The following TRABD2B variants were observed in gnomAD, a reference collection of about 807,000 sequenced individuals.
TRABD2B encodes metalloprotease TIKI2.
TRABD2B carries 14 observed loss-of-function variants against 40.1 expected under a neutral mutation model. That is an observed-to-expected ratio of 0.35 (90% CI 0.23 to 0.55). The LOEUF is 0.55. Among genes scored for constraint, TRABD2B ranks in the 20% least tolerant of loss-of-function variants. TRABD2B has a pLI of 0.90. For synonymous variants in TRABD2B, 263 were observed against 277.0 expected, an observed-to-expected ratio of 0.95 and a Z score of 0.50; for missense variants, 541 against 648.6, an observed-to-expected ratio of 0.83 and a Z score of 1.80.
chr1:47,798,522 G>A (rs1437107890), intron 3 of TRABD2B, among the ~76,000 whole-genome samples: 2 of 152,200 alleles, frequency 1.3e-5, no homozygotes, highest in Non-Finnish European at 2.9e-5. Context: ...AGTGGAGCCA[G>A]GATGCAGGCC....
intron 2 of TRABD2B, among the ~76,000 whole-genome samples, chr1:47,856,181 T>C (rs1393092293): frequency 2.6e-5 from 4 of 152,224 alleles, no homozygotes; most frequent in African/African-American, 4.8e-5. Flanking sequence ...CTGCCCACCA[T>C]GTAAGCGGGG....
At chr1:47,910,755 G>T (rs898488274) in intron 2 of TRABD2B, among the ~76,000 whole-genome samples, 1 of 152,172 alleles carries the variant, frequency 6.6e-6, no homozygotes, top group Non-Finnish European at 1.5e-5. Context: ...ATCCTCATAT[G>T]GCATAGATTG....
At chr1:47,814,110 G>A (rs1323554024) in intron 2 of TRABD2B, among the ~76,000 whole-genome samples, 1 of 152,250 alleles carries the variant, frequency 6.6e-6, no homozygotes, top group Admixed American at 6.5e-5. Context: ...CACACAGAAG[G>A]GAAAGAAAAG....
chr1:47,793,724 C>A (rs1644706830), intron 4 of TRABD2B, among the ~76,000 whole-genome samples: 1 of 152,168 alleles, frequency 6.6e-6, no homozygotes, highest in African/African-American at 2.4e-5. Context: ...TAACAAGAGG[C>A]AAACACAATA....
chr1:47,833,119 G>A (rs1645272265), intron 2 of TRABD2B, among the ~76,000 whole-genome samples: 1 of 152,210 alleles, frequency 6.6e-6, no homozygotes. Flanking sequence ...TTTAAACACA[G>A]ATGCTTGGAC....
At chr1:47,958,852 C>A (rs1241478910) in intron 2 of TRABD2B, among the ~76,000 whole-genome samples, 1 of 152,150 alleles carries the variant, frequency 6.6e-6, no homozygotes, top group African/African-American at 2.4e-5. Flanking sequence ...CAGCTCTGCA[C>A]CAACCGGACC....
At chr1:47,921,825 A>G (rs953631060) in intron 2 of TRABD2B, among the ~76,000 whole-genome samples, 4 of 152,208 alleles carry the variant, frequency 2.6e-5, no homozygotes, top group African/African-American at 7.2e-5. Context: ...ATCCAAATAC[A>G]TAGTAGTCAC....
At chr1:47,884,892 A>T (rs934648457) in intron 2 of TRABD2B, among the ~76,000 whole-genome samples, 3 of 152,132 alleles carry the variant, frequency 2.0e-5, no homozygotes, top group Admixed American at 6.5e-5. Flanking sequence ...CTGGGATTAC[A>T]AGTGTGAGCC....
chr1:47,975,028 C>G (rs1645735925), intron 2 of TRABD2B, among the ~76,000 whole-genome samples: 1 of 152,170 alleles, frequency 6.6e-6, no homozygotes, highest in African/African-American at 2.4e-5. Flanking sequence ...GTCTGAGAAA[C>G]TGCCACAGCC....
chr1:47,779,980 C>T (rs973480407), intron 4 of TRABD2B, among the ~76,000 whole-genome samples: 2 of 152,146 alleles, frequency 1.3e-5, no homozygotes, highest in Admixed American at 1.3e-4. Context: ...GAGAATGAAC[C>T]GTGCTGCTGT....
chr1:47,943,657 C>T (rs1645218055), intron 2 of TRABD2B, among the ~76,000 whole-genome samples: 1 of 152,076 alleles, frequency 6.6e-6, no homozygotes, highest in African/African-American at 2.4e-5. Flanking sequence ...AAGAGGAATG[C>T]ACATTTGCAA....
intron 2 of TRABD2B, among the ~76,000 whole-genome samples, chr1:47,827,049 G>A (rs982258669): frequency 3.9e-5 from 6 of 152,200 alleles, no homozygotes; most frequent in Non-Finnish European, 7.3e-5. Flanking sequence ...CTCCATGGAG[G>A]ACTGAGTATG....
intron 2 of TRABD2B, among the ~76,000 whole-genome samples, chr1:47,971,258 G>C (rs1557687697): frequency 6.6e-6 from 1 of 152,162 alleles, no homozygotes. Flanking sequence ...GCCAGACCCT[G>C]AGCCAGTTTT....
At position 47,765,970 on chromosome 1, in the gene TRABD2B, C is replaced by T. The variant is rs1262669737; in HGVS notation, c.1486G>A (p.Gly496Ser). 2.8e-6 allele frequency: 2 copies of T among 702,476 alleles called. No homozygotes were observed. Among genetic ancestry groups the T allele is most frequent in the African/African-American group, 1.7e-5 (1 of 57,234 alleles). 43.5% of individuals were successfully genotyped at this position (702,476 alleles called of 1,614,324 possible). A position where few individuals can be genotyped will look rare whatever the true frequency, so the allele number is the denominator to read the frequency against. The change falls in exon 7 of 7, where the codon GGC (glycine) becomes AGC (serine). Residue 496 changes from glycine to serine, a missense_variant. Gly to Ser is a moderately conservative substitution (Grantham distance 56). Around this residue, in one of 2 missense-constraint regions of TRABD2B, gnomAD observed 172 missense variants for 155.8 expected, o/e 1.10. Transcript: ENST00000606738. ...GPASSSAPTL[G>S]LLPAIATTIA... ...GTGGTGGCGATGGCGGGGAGAAGGC[C>T]CAGGGTGGGTGCCGAGCTGCTGGCG...
intron 2 of TRABD2B, among the ~76,000 whole-genome samples, chr1:47,869,611 C>G (rs1446137457): frequency 2.0e-5 from 3 of 152,116 alleles, no homozygotes; most frequent in Non-Finnish European, 2.9e-5. Context: ...TGGAGTTGAC[C>G]AGTTCTTGGC....
intron 2 of TRABD2B, among the ~76,000 whole-genome samples, chr1:47,966,271 C>T (rs1645601839): frequency 7.0e-6 from 1 of 143,668 alleles, no homozygotes; most frequent in South Asian, 2.2e-4. Flanking sequence ...CAATGTGACT[C>T]TGGAAGGCAG....
At chr1:47,905,497 A>G (rs1644664012) in intron 2 of TRABD2B, among the ~76,000 whole-genome samples, 1 of 152,170 alleles carries the variant, frequency 6.6e-6, no homozygotes, top group African/African-American at 2.4e-5. Context: ...CTCAGCAGAA[A>G]TAAACTAGCA....
chr1:47,906,958 G>A lies in TRABD2B; in HGVS notation c.666+87076C>T, dbSNP rs148653354. On this transcript the variant is annotated intron_variant, in intron 2 of 6. Coordinates refer to ENST00000606738, the MANE Select transcript of TRABD2B (RefSeq NM_001194986.2). ...AAAACACAGTGCCTGCCCAGTTTCA[G>A]CCCCTTCCCCGGACAGTGATGGCCT... 3.9e-5 allele frequency among the ~76,000 whole-genome samples: 6 copies of A among 152,324 alleles called. No homozygotes were observed. In the East Asian group the frequency reaches 1.2e-3, roughly 29 times the overall value.
chr1:47,919,018 T>C (rs1224961823), intron 2 of TRABD2B, among the ~76,000 whole-genome samples: 1 of 152,238 alleles, frequency 6.6e-6, no homozygotes, highest in African/African-American at 2.4e-5. Context: ...AGGTGTCTCC[T>C]TGGAGCTTAG....
Sources: allele counts gnomAD v4.1 joint callset (sites outside exome capture counted in the v4.1 genomes callset), GRCh38; gene constraint gnomAD v4.1.1; regional missense constraint gnomAD v4.1.1; transcripts MANE v1.5; gene names NCBI Gene and HGNC (gene_info 2026-07-23, HGNC 2026-07-21).